KIAA0825: variants seen among roughly 807,000 people sequenced by gnomAD.
KIAA0825 encodes the protein KIAA0825.
A neutral mutation model predicts 147.6 loss-of-function variants in KIAA0825; 119 were observed. The ratio of observed to expected loss-of-function variants is 0.81; its 90% CI spans 0.69 to 0.94. The LOEUF (loss-of-function observed/expected upper bound fraction) is 0.94, where lower values mean the gene tolerates loss of function less well. Among genes scored for constraint, KIAA0825 ranks in the 40% least tolerant of loss-of-function variants. KIAA0825 has a pLI of 0.00. For synonymous variants in KIAA0825, 470 were observed against 518.1 expected, an observed-to-expected ratio of 0.91 and a Z score of 1.26; for missense variants, 1,381 against 1,472.7, an observed-to-expected ratio of 0.94 and a Z score of 1.02.
At chr5:94,261,759 C>T (rs140152044) in intron 20 of KIAA0825, among the ~76,000 whole-genome samples, 5 of 152,260 alleles carry the variant, frequency 3.3e-5, no homozygotes, top group East Asian at 3.9e-4. Context: ...TCTCACCCAG[C>T]CAGTCTCCAA....
At chr5:94,337,083 T>A (rs896096983) in intron 20 of KIAA0825, among the ~76,000 whole-genome samples, 1 of 152,194 alleles carries the variant, frequency 6.6e-6, no homozygotes, top group Non-Finnish European at 1.5e-5. Flanking sequence ...TCTTTATATA[T>A]GAAATGTCCA....
At chr5:94,373,487 C>T (rs1033068327) in intron 20 of KIAA0825, among the ~76,000 whole-genome samples, 1 of 151,660 alleles carries the variant, frequency 6.6e-6, no homozygotes, top group Non-Finnish European at 1.5e-5. Flanking sequence ...CTGCAGAGGC[C>T]CCAGGAAACT....
At chr5:94,232,395 C>T (rs1038854025) in intron 20 of KIAA0825, among the ~76,000 whole-genome samples, 5 of 152,014 alleles carry the variant, frequency 3.3e-5, no homozygotes, top group African/African-American at 1.2e-4. Flanking sequence ...TTACTCTCCA[C>T]GTTTGAATTT....
At chr5:94,588,980 C>T (rs950292612) in intron 1 of KIAA0825, among the ~76,000 whole-genome samples, 3 of 151,938 alleles carry the variant, frequency 2.0e-5, no homozygotes, top group East Asian at 1.9e-4. Flanking sequence ...TGAGAACACA[C>T]GGACACAGGG....
At chr5:94,265,991 C>A (rs1776723982) in intron 20 of KIAA0825, among the ~76,000 whole-genome samples, 1 of 152,138 alleles carries the variant, frequency 6.6e-6, no homozygotes, top group African/African-American at 2.4e-5. Context: ...CAATGGTTGT[C>A]TAGAGGAAAA....
At chr5:94,420,498 G>C (rs1754044306) in intron 14 of KIAA0825, among the ~76,000 whole-genome samples, 1 of 152,128 alleles carries the variant, frequency 6.6e-6, no homozygotes, top group African/African-American at 2.4e-5. Context: ...ATGTGGTAAT[G>C]TATTGCCTTA....
At chr5:94,494,335 T>C (rs1042324815) in intron 5 of KIAA0825, among the ~76,000 whole-genome samples, 69 of 149,776 alleles carry the variant, frequency 4.6e-4, no homozygotes, top group Non-Finnish European at 8.3e-4. Flanking sequence ...TTTTTTTTTT[T>C]TTTGACTGAG....
At chr5:94,285,561 A>G (rs1449639459) in intron 20 of KIAA0825, among the ~76,000 whole-genome samples, 1 of 152,178 alleles carries the variant, frequency 6.6e-6, no homozygotes, top group East Asian at 1.9e-4. Context: ...TATTCAAGAG[A>G]CAAGCAATTG....
intron 20 of KIAA0825, among the ~76,000 whole-genome samples, chr5:94,301,339 A>C (rs1390363742): frequency 6.6e-6 from 1 of 151,832 alleles, no homozygotes; most frequent in African/African-American, 2.4e-5. Flanking sequence ...TTAGTTGGAA[A>C]GTAATGAGTG....
At chr5:94,527,071 C>A (rs1379161437) in intron 3 of KIAA0825, among the ~76,000 whole-genome samples, 2 of 151,998 alleles carry the variant, frequency 1.3e-5, no homozygotes, top group East Asian at 3.8e-4. Flanking sequence ...GTCATCTAAC[C>A]TCACTGTTGC....
At chr5:94,169,553 G>T (rs1583732171) in intron 20 of KIAA0825, among the ~76,000 whole-genome samples, 1 of 143,856 alleles carries the variant, frequency 7.0e-6, no homozygotes. Flanking sequence ...CTGCAGTCCA[G>T]CCTGGGTGAC....
chr5:94,615,290 A>G (rs1191541629), intron 1 of KIAA0825, among the ~76,000 whole-genome samples: 3 of 152,178 alleles, frequency 2.0e-5, no homozygotes, highest in Non-Finnish European at 4.4e-5. Context: ...GGGACCTTAC[A>G]GATAATATAA....
chr5:94,405,733 G>A (rs1462329081), intron 15 of KIAA0825, among the ~76,000 whole-genome samples: 3 of 151,956 alleles, frequency 2.0e-5, no homozygotes, highest in Non-Finnish European at 2.9e-5. Context: ...TAAGTAGTAC[G>A]GCAACGATGT....
chr5:94,152,729 T>C lies in KIAA0825; in HGVS notation c.*1278A>G. Among the ~76,000 whole-genome samples, 1 of 144,878 alleles carries C rather than the reference T, an allele frequency of 6.9e-6. No homozygotes were observed. The highest frequency in any genetic ancestry group is 2.6e-5 in the African/African-American group (1 of 38,996). ...ACTCAGGAGGCTGAGGTGGGAGTAT[T>C]GCTTGAGCCTATGAGTTTGAGGTTA... is the stretch of plus-strand genomic sequence containing the variant. On this transcript the variant is annotated 3_prime_UTR_variant, in exon 21 of 21. Coordinates refer to ENST00000682413, the MANE Select transcript of KIAA0825 (RefSeq NM_001145678.3).
intron 20 of KIAA0825, among the ~76,000 whole-genome samples, chr5:94,347,941 A>G (rs1783200119): frequency 6.6e-6 from 1 of 152,228 alleles, no homozygotes; most frequent in African/African-American, 2.4e-5. Flanking sequence ...GATAGCTTAA[A>G]GACAAAACAA....
At chr5:94,594,360 A>T (rs1351374788) in intron 1 of KIAA0825, 1 of 748,264 alleles carries the variant, frequency 1.3e-6, no homozygotes, top group Non-Finnish European at 2.4e-6. Flanking sequence ...ACAACAGCAG[A>T]TTTATAAAAT....
At chr5:94,250,689 G>T (rs1385429296) in intron 20 of KIAA0825, among the ~76,000 whole-genome samples, 1 of 152,012 alleles carries the variant, frequency 6.6e-6, no homozygotes, top group African/African-American at 2.4e-5. Context: ...GCTTTTCATG[G>T]CTCAACTGGT....
intron 13 of KIAA0825, among the ~76,000 whole-genome samples, chr5:94,446,599 G>A (rs530889396): frequency 6.6e-6 from 1 of 152,246 alleles, no homozygotes; most frequent in Admixed American, 6.5e-5. Context: ...ATGTAAATGG[G>A]TTAATGTGTG....
chr5:94,154,405 G>T (rs897317148), intron 20 of KIAA0825, among the ~76,000 whole-genome samples: 2 of 152,198 alleles, frequency 1.3e-5, no homozygotes, highest in African/African-American at 4.8e-5. Context: ...AAGAATGTAT[G>T]TGGCCTATGA....
Sources: gnomAD v4.1 joint callset for allele counts (sites outside exome capture counted in the v4.1 genomes callset) on GRCh38, gnomAD v4.1.1 for gene constraint, MANE v1.5 for transcripts, NCBI Gene and HGNC (gene_info 2026-07-23, HGNC 2026-07-21) for gene names.